Variants in ADAMTS3 observed in about 807,000 individuals in gnomAD.
ADAMTS3 encodes ADAM metallopeptidase with thrombospondin type 1 motif 3, also known as A disintegrin and metalloproteinase with thrombospondin motifs 3.
Under a neutral mutation model 129.0 loss-of-function variants are expected in ADAMTS3, and 73 were observed. That is an observed-to-expected ratio of 0.57 (90% CI 0.47 to 0.69). ADAMTS3 has a LOEUF of 0.69. ADAMTS3 is among the 30% of genes least tolerant of loss of function. The pLI is 0.00. For synonymous variants in ADAMTS3, 477 were observed against 510.8 expected (o/e 0.93, Z 0.89); for missense variants, 1,457 against 1,514.5 (o/e 0.96, Z 0.63).
intron 3 of ADAMTS3, among the ~76,000 whole-genome samples, chr4:72,450,969 A>AAAGAAGAGAAGAGAAGAGAAG (rs1718385374): frequency 1.4e-5 from 2 of 140,040 alleles, no homozygotes; most frequent in Non-Finnish European, 3.1e-5. Context: ...GGCAGGCAAA[A>AAAGAAGAGAAGAGAAGAGAAG]AGAAGAGAAG....
At chr4:72,387,962 T>C (rs910534037) in intron 4 of ADAMTS3, among the ~76,000 whole-genome samples, 1 of 152,170 alleles carries the variant, frequency 6.6e-6, no homozygotes, top group African/African-American at 2.4e-5. Flanking sequence ...TATAAGAGCA[T>C]AAATCCAGGT....
intron 3 of ADAMTS3, among the ~76,000 whole-genome samples, chr4:72,470,376 T>TATAC (rs557625827): frequency 0.029 from 4,006 of 137,940 alleles, 84 homozygotes; most frequent in Non-Finnish European, 0.044. Flanking sequence ...TATATATATA[T>TATAC]ACACACACAC....
intron 20 of ADAMTS3, among the ~76,000 whole-genome samples, chr4:72,289,973 G>A (rs1162146180): frequency 6.6e-6 from 1 of 152,118 alleles, no homozygotes; most frequent in African/African-American, 2.4e-5. Context: ...TCCTTTCTGG[G>A]CTTATTCTCC....
At chr4:72,456,684 A>G (rs1261530222) in intron 3 of ADAMTS3, among the ~76,000 whole-genome samples, 2 of 151,420 alleles carry the variant, frequency 1.3e-5, no homozygotes, top group East Asian at 3.9e-4. Flanking sequence ...TTTCCGCATG[A>G]TCCCTACCTT....
chr4:72,498,155 C>T (rs1046464474), intron 3 of ADAMTS3, among the ~76,000 whole-genome samples: 3 of 151,990 alleles, frequency 2.0e-5, no homozygotes, highest in Admixed American at 1.3e-4. Context: ...TCTTAGAGAG[C>T]GAACACTATA....
intron 3 of ADAMTS3, among the ~76,000 whole-genome samples, chr4:72,472,100 G>A (rs1719088065): frequency 6.6e-6 from 1 of 152,036 alleles, no homozygotes; most frequent in African/African-American, 2.4e-5. Context: ...TTAACATCTG[G>A]AAATCCTGGT....
chr4:72,547,966 T>C (rs566108627), intron 3 of ADAMTS3, among the ~76,000 whole-genome samples: 1 of 152,164 alleles, frequency 6.6e-6, no homozygotes, highest in Non-Finnish European at 1.5e-5. Flanking sequence ...AAGTACTGCA[T>C]CTTGCATTCA....
intron 3 of ADAMTS3, among the ~76,000 whole-genome samples, chr4:72,534,251 C>T (rs1326275928): frequency 1.3e-5 from 2 of 151,916 alleles, no homozygotes; most frequent in Non-Finnish European, 2.9e-5. Context: ...GGCGTGAACC[C>T]GGGTGGCGGA....
chr4:72,516,921 C>T (rs1047883575), intron 3 of ADAMTS3, among the ~76,000 whole-genome samples: 2 of 152,028 alleles, frequency 1.3e-5, no homozygotes, highest in African/African-American at 2.4e-5. Context: ...TGCCAGTTTT[C>T]AAAGGGAATG....
At chr4:72,391,025 A>G (rs1242617908) in intron 4 of ADAMTS3, among the ~76,000 whole-genome samples, 1 of 152,134 alleles carries the variant, frequency 6.6e-6, no homozygotes, top group African/African-American at 2.4e-5. Context: ...ATAAGACCCC[A>G]AACAAGGAAA....
At chr4:72,302,304 A>T (rs79863837) in intron 17 of ADAMTS3, among the ~76,000 whole-genome samples, 3 of 18 alleles carry the variant, frequency 0.17, no homozygotes, top group Non-Finnish European at 0.5. Flanking sequence ...AAATGGAAAT[A>T]AAAAAAAAAA....
chr4:72,444,179 A>T lies in ADAMTS3; in HGVS notation c.505-29208T>A, dbSNP rs142234591. Among the ~76,000 whole-genome samples the T allele has an allele frequency of 1.3e-4, 19 of 151,836 alleles. No homozygotes were observed. In the East Asian group the frequency reaches 3.7e-3, roughly 30 times the overall value. ...TGAGGAACAAAATACAAACATAAAA[A>T]TGCACAGACAGTTCCTTCTCCTATT... On this transcript the variant is annotated intron_variant, in intron 3 of 21. Coordinates refer to ENST00000286657, the MANE Select transcript of ADAMTS3 (RefSeq NM_014243.3).
chr4:72,314,260 T>A (rs2109800730), intron 11 of ADAMTS3, among the ~76,000 whole-genome samples: 2 of 152,316 alleles, frequency 1.3e-5, no homozygotes, highest in East Asian at 3.9e-4. Context: ...ATATAACATG[T>A]CTAAAACATA....
intron 3 of ADAMTS3, among the ~76,000 whole-genome samples, chr4:72,457,477 T>G (rs1217085630): frequency 6.6e-6 from 1 of 151,704 alleles, no homozygotes; most frequent in Non-Finnish European, 1.5e-5. Flanking sequence ...GATGTTTTAC[T>G]GTAAATAGAA....
intron 6 of ADAMTS3, among the ~76,000 whole-genome samples, chr4:72,321,116 T>A (rs1039217983): frequency 1.3e-5 from 2 of 152,216 alleles, no homozygotes; most frequent in South Asian, 2.1e-4. Context: ...TTGTTATATT[T>A]GAGACAGAAT....
At chr4:72,390,101 T>A (rs946277584) in intron 4 of ADAMTS3, among the ~76,000 whole-genome samples, 1 of 152,178 alleles carries the variant, frequency 6.6e-6, no homozygotes. Flanking sequence ...AATTCAGGTA[T>A]TTTCAAATCT....
chr4:72,492,468 C>A (rs138130207), intron 3 of ADAMTS3, among the ~76,000 whole-genome samples: 76 of 151,484 alleles, frequency 5.0e-4, no homozygotes, highest in Admixed American at 2.4e-3. Flanking sequence ...ACTTTACATT[C>A]CCTTTTAATT....
intron 4 of ADAMTS3, among the ~76,000 whole-genome samples, chr4:72,411,107 A>G (rs1158742195): frequency 1.3e-5 from 2 of 152,158 alleles, no homozygotes; most frequent in African/African-American, 2.4e-5. Flanking sequence ...ATATTTTTAA[A>G]CAACTCTTCA....
intron 4 of ADAMTS3, among the ~76,000 whole-genome samples, chr4:72,367,975 AAC>A (rs1251485657): frequency 2.6e-5 from 4 of 152,234 alleles, no homozygotes; most frequent in African/African-American, 7.2e-5. Flanking sequence ...TAATTTAAAA[AAC>A]AATAATTATA....
Sources: gnomAD v4.1 joint callset for allele counts (sites outside exome capture counted in the v4.1 genomes callset) on GRCh38, gnomAD v4.1.1 for gene constraint, MANE v1.5 for transcripts, NCBI Gene and HGNC (gene_info 2026-07-23, HGNC 2026-07-21) for gene names.